The following ITIH5 variants were observed in gnomAD, a reference collection of about 807,000 sequenced individuals.
ITIH5 encodes the protein inter-alpha-trypsin inhibitor heavy chain 5.
ITIH5 carries 65 observed loss-of-function variants against 77.5 expected under a neutral mutation model. That is an observed-to-expected ratio of 0.84 (90% confidence interval 0.69 to 1.03). ITIH5 has a LOEUF of 1.03. Among genes scored for constraint, ITIH5 ranks in the 50% least tolerant of loss-of-function variants. The pLI is 0.00. For synonymous variants in ITIH5, 525 were observed against 494.3 expected (o/e 1.06, Z -0.82); for missense variants, 1,208 against 1,213.1 (o/e 1.00, Z 0.06).
chr10:7,623,182 C>G (rs1387738973), intron 5 of ITIH5, among the ~76,000 whole-genome samples: 1 of 152,148 alleles, frequency 6.6e-6, no homozygotes, highest in Non-Finnish European at 1.5e-5. Flanking sequence ...ATTTCCTGGC[C>G]TCTGTTTCCT....
At chr10:7,618,668 CT>C (rs1207206990) in intron 5 of ITIH5, 1 of 152,192 alleles carries the variant, frequency 6.6e-6, no homozygotes, top group Non-Finnish European at 1.5e-5. Context: ...CTCTGATTAT[CT>C]TTTTAAATGT....
At chr10:7,591,471 G>A (rs1832792594) in intron 7 of ITIH5, among the ~76,000 whole-genome samples, 1 of 152,128 alleles carries the variant, frequency 6.6e-6, no homozygotes, top group Admixed American at 6.5e-5. Flanking sequence ...TAACTCAACA[G>A]TGAAGACAGA....
At chr10:7,592,390 T>C (rs1248259251) in intron 7 of ITIH5, among the ~76,000 whole-genome samples, 1 of 150,984 alleles carries the variant, frequency 6.6e-6, no homozygotes, top group Non-Finnish European at 1.5e-5. Flanking sequence ...TTTTAGTAAA[T>C]ATCTGCTGTA....
At chr10:7,580,195 A>G in intron 8 of ITIH5, 131 bp from the exon 9 acceptor site, 2 of 726,248 alleles carry the variant, frequency 2.8e-6, no homozygotes, top group South Asian at 1.8e-5. Flanking sequence ...ATCTGCACTC[A>G]CTGCAACCTC....
chr10:7,600,583 G>A (rs1832994620), intron 7 of ITIH5: 2 of 456,672 alleles, frequency 4.4e-6, no homozygotes, highest in South Asian at 3.1e-5. Flanking sequence ...AGATGATTGG[G>A]AAATCACTAA....
intron 13 of ITIH5, among the ~76,000 whole-genome samples, chr10:7,565,103 CATAT>C (rs1354697334): frequency 7.3e-6 from 1 of 136,200 alleles, no homozygotes; most frequent in East Asian, 2.0e-4. Flanking sequence ...CACACACATA[CATAT>C]ACAGACTGTG....
At chr10:7,613,168 C>T (rs2131029441) in intron 7 of ITIH5, among the ~76,000 whole-genome samples, 1 of 151,712 alleles carries the variant, frequency 6.6e-6, no homozygotes, top group Non-Finnish European at 1.5e-5. Context: ...GTTGCTTGAA[C>T]CCAGGAGGCA....
In ITIH5 at chr10:7,631,723, T is replaced by C. The variant is rs554060024; in HGVS notation, c.652+5505A>G. Among the ~76,000 whole-genome samples, 202 of 152,166 alleles carry C rather than the reference T, an allele frequency of 1.3e-3. 2 individuals carry two copies. The highest frequency in any genetic ancestry group is 4.6e-3 in the African/African-American group (189 of 41,506). On this transcript the variant is annotated intron_variant, in intron 5 of 13. Transcript: ENST00000397146. ...GGTGGAAAAGAGGAACAAAATACAT[T>C]TTAACAAGGATCTAAAGTCAGAGTA... is the stretch of plus-strand genomic sequence containing the variant.
chr10:7,632,337 C>T (rs7086233), intron 5 of ITIH5, among the ~76,000 whole-genome samples: 60,299 of 151,924 alleles, frequency 0.4, 12,453 homozygotes, highest in African/African-American at 0.5. Flanking sequence ...AGGGATCCTT[C>T]TGAGGTGGTA....
At chr10:7,619,590 T>G (rs750435923) in intron 5 of ITIH5, 3 of 394,266 alleles carry the variant, frequency 7.6e-6, no homozygotes, top group Non-Finnish European at 1.6e-5. Flanking sequence ...CAGTTCCGCA[T>G]GGCTGGGGAA....
rs910261058 is a variant in ITIH5, at chr10:7,575,678, T to C, written c.1978+775A>G. Among the ~76,000 whole-genome samples, 18 of 152,208 alleles carry C rather than the reference T, an allele frequency of 1.2e-4. No individual in the cohort carries two copies. In the East Asian group the frequency reaches 3.1e-3, roughly 26 times the overall value. ...CAGAGACTGACATGGAAAGACCGGA[T>C]TCTTGCAAGAATCCGTACCTTGGTC... is the stretch of plus-strand genomic sequence containing the variant. On this transcript the variant is annotated intron_variant, in intron 10 of 13. Coordinates refer to ENST00000397146, the MANE Select transcript of ITIH5 (RefSeq NM_030569.7).
intron 5 of ITIH5, chr10:7,621,217 A>G (rs1171248684): frequency 1.3e-5 from 2 of 152,212 alleles, no homozygotes; most frequent in Admixed American, 6.5e-5. Flanking sequence ...TTCTACAATA[A>G]TTAGATTAGA....
At position 7,580,170 on chromosome 10, in the gene ITIH5, G is replaced by C; in HGVS notation, c.1109-106C>G. 3.1e-6 allele frequency: 3 copies of C among 966,218 alleles called. No homozygotes were observed. In the East Asian group the frequency reaches 7.9e-5, roughly 25 times the overall value. The allele number at this position is 966,218 out of a possible 1,614,324, so 59.9% of individuals were successfully genotyped here. On this transcript the variant is annotated intron_variant, in intron 8 of 13. Coordinates refer to ENST00000397146, the MANE Select transcript of ITIH5 (RefSeq NM_030569.7). ...GAGTCTTGCTCTGTCACCCAGGCTG[G>C]AGTGCAATGGCGCAATCTGCACTCA... is the stretch of plus-strand genomic sequence containing the variant.
At chr10:7,603,114 G>A (rs1165993262) in intron 7 of ITIH5, among the ~76,000 whole-genome samples, 1 of 152,148 alleles carries the variant, frequency 6.6e-6, no homozygotes, top group African/African-American at 2.4e-5. Context: ...AGCTGCAGCT[G>A]AGGCACACAA....
intron 7 of ITIH5, among the ~76,000 whole-genome samples, chr10:7,589,536 C>CTT (rs1832750421): frequency 6.6e-6 from 1 of 152,140 alleles, no homozygotes; most frequent in South Asian, 2.1e-4. Flanking sequence ...TTAAACCCAC[C>CTT]TTCTCATCCT....
chr10:7,578,732 C>G (rs1054064252), intron 9 of ITIH5: 2 of 152,198 alleles, frequency 1.3e-5, no homozygotes, highest in Non-Finnish European at 2.9e-5. Context: ...GTAGATACCA[C>G]ATATGCCACG....
intron 5 of ITIH5, 28 bp downstream of exon 5, chr10:7,637,200 C>CTGCA (rs765241841): frequency 2.5e-6 from 4 of 1,593,690 alleles, no homozygotes; most frequent in Non-Finnish European, 3.4e-6. Context: ...CACCACAGAT[C>CTGCA]TGCACGAACC....
chr10:7,584,143 T>A (rs1329836535), intron 8 of ITIH5, among the ~76,000 whole-genome samples: 1 of 152,094 alleles, frequency 6.6e-6, no homozygotes, highest in Non-Finnish European at 1.5e-5. Context: ...ATGCTCACAA[T>A]CCTGATGCTA....
chr10:7,587,498 T>C (rs1832703323), intron 7 of ITIH5, among the ~76,000 whole-genome samples: 1 of 152,196 alleles, frequency 6.6e-6, no homozygotes, highest in African/African-American at 2.4e-5. Context: ...GCTGGGTTCA[T>C]CCCCGACTCT....
Sources: gnomAD v4.1 joint callset for allele counts (sites outside exome capture counted in the v4.1 genomes callset) on GRCh38, gnomAD v4.1.1 for gene constraint, MANE v1.5 for transcripts, NCBI Gene and HGNC (gene_info 2026-07-23, HGNC 2026-07-21) for gene names.